The following GLI2 variants were observed in gnomAD, a reference collection of about 807,000 sequenced individuals.
GLI2 encodes GLI family zinc finger 2, also known as transcription activator GLI2.
Under a neutral mutation model 78.9 loss-of-function variants are expected in GLI2, and 22 were observed. The observed-to-expected ratio is 0.28, with a 90% confidence interval of 0.20 to 0.40. The LOEUF is 0.40. GLI2 is among the 10% of genes least tolerant of loss of function. The pLI is 1.00. For missense variants in GLI2, 2,097 were observed against 2,213.2 expected, an observed-to-expected ratio of 0.95 and a Z score of 1.05; for synonymous variants, 974 against 963.7, an observed-to-expected ratio of 1.01 and a Z score of -0.20.
intron 2 of GLI2, among the ~76,000 whole-genome samples, chr2:120,811,691 G>C (rs938461842): frequency 2.6e-5 from 4 of 151,762 alleles, no homozygotes; most frequent in Admixed American, 6.6e-5. Flanking sequence ...TTGGATGGAG[G>C]GGTAGTAGGG....
intron 1 of GLI2, among the ~76,000 whole-genome samples, chr2:120,740,324 G>A (rs928962429): frequency 6.6e-6 from 1 of 152,076 alleles, no homozygotes; most frequent in African/African-American, 2.4e-5. Flanking sequence ...ACATACACAT[G>A]GGGGAAAGTA....
At chr2:120,741,015 T>C (rs1289750420) in intron 1 of GLI2, among the ~76,000 whole-genome samples, 1 of 152,228 alleles carries the variant, frequency 6.6e-6, no homozygotes, top group African/African-American at 2.4e-5. Context: ...GTTGAGCCTG[T>C]ATGCAACCAC....
rs765734294 is a variant in GLI2, at chr2:120,792,899, G to T, written c.-30-4392G>T. 5.3e-5 allele frequency among the ~76,000 whole-genome samples: 8 copies of T among 152,332 alleles called. No individual in the cohort carries two copies. The East Asian group carries it at 1.5e-3, about 29-fold the overall frequency. On this transcript the variant is annotated intron_variant, in intron 1 of 13. Transcript: ENST00000361492. The stretch of plus-strand genomic sequence containing the variant: ...GCCTCCCAAAGTGCTGGGATTACAG[G>T]CATGAGCCACCACACCTGGCTGAAC...
intron 2 of GLI2, among the ~76,000 whole-genome samples, chr2:120,815,563 G>A (rs972441430): frequency 2.6e-5 from 4 of 152,192 alleles, no homozygotes; most frequent in Non-Finnish European, 4.4e-5. Flanking sequence ...GAGCTCTGTG[G>A]TCACGTGCCC....
At chr2:120,949,409 G>A (rs900646280) in intron 3 of GLI2, among the ~76,000 whole-genome samples, 1 of 152,228 alleles carries the variant, frequency 6.6e-6, no homozygotes, top group Non-Finnish European at 1.5e-5. Context: ...CCTGCATGAC[G>A]CCAGTTCCAT....
Position 120,951,343 on chromosome 2 carries a change from C to CA in GLI2, c.356dup (p.His119GlnfsTer34). The CA allele has an allele frequency of 6.3e-7, 1 of 1,584,736 alleles. No individual in the cohort carries two copies. Among genetic ancestry groups the CA allele is most frequent in the Non-Finnish European group, 8.7e-7 (1 of 1,153,268 alleles). On this transcript the variant is annotated frameshift_variant, in exon 4 of 14. Transcript: ENST00000361492. LOFTEE classifies it high-confidence loss of function. ...TGGGGAGTCCCCCTTCAACGCCCCC[C>CA]ACCCGTACGTGAACCCCCACATGGA...
At chr2:120,965,049 G>C (rs1018137232) in intron 5 of GLI2, among the ~76,000 whole-genome samples, 4 of 152,250 alleles carry the variant, frequency 2.6e-5, no homozygotes, top group African/African-American at 9.6e-5. Flanking sequence ...TCACTAAATG[G>C]TGGTTGTCAC....
intron 1 of GLI2, among the ~76,000 whole-genome samples, chr2:120,746,009 C>A (rs1276089979): frequency 1.3e-5 from 2 of 152,220 alleles, no homozygotes; most frequent in African/African-American, 4.8e-5. Context: ...GGTGCCACAT[C>A]CTTCTGCAGG....
rs930943098 is a variant in GLI2 at position 120,807,713 on chromosome 2, C to T, written c.148+10245C>T. 4.6e-5 allele frequency among the ~76,000 whole-genome samples: 7 copies of T among 152,302 alleles called. No individual in the cohort carries two copies. The East Asian group carries it at 5.8e-4, about 13-fold the overall frequency. On this transcript the variant is annotated intron_variant, in intron 2 of 13. Coordinates refer to ENST00000361492, the MANE Select transcript of GLI2 (RefSeq NM_001374353.1). ...TTGGCAAAGGGCTCCCTTCCCTCCC[C>T]GATCCTGGCACAAGCTCACATCTGA... is the stretch of plus-strand genomic sequence containing the variant.
rs1683160155 is a variant in GLI2 at position 120,989,291 on chromosome 2, G to A, written c.3326G>A (p.Gly1109Glu). The change falls in exon 14 of 14, where the codon GGA becomes GAA. Residue 1109 changes from glycine to glutamate, a missense_variant. This residue lies in a region of GLI2 where 1,290 missense variants were observed against 1,261.7 expected (regional missense o/e 1.02). Coordinates refer to ENST00000361492, the MANE Select transcript of GLI2 (RefSeq NM_001374353.1). ...NVGPSAPMLGGCQLGFGAPSS... is the reference protein window; with the variant it reads ...NVGPSAPMLGECQLGFGAPSS... ...GGCCCCTCCGCCCCTATGCTGGGAG[G>A]ATGCCAGTTAGGCTTTGGGGCGCCC... 1.9e-6 allele frequency: 3 copies of A among 1,612,978 alleles called. No individual in the cohort carries two copies. The highest frequency in any genetic ancestry group is 1.7e-5 in the Admixed American group (1 of 60,008).
chr2:120,888,373 C>T (rs1677516922), intron 2 of GLI2, among the ~76,000 whole-genome samples: 1 of 152,234 alleles, frequency 6.6e-6, no homozygotes, highest in South Asian at 2.1e-4. Context: ...TGAGTTCTCT[C>T]AATCTCATCG....
intron 2 of GLI2, among the ~76,000 whole-genome samples, chr2:120,898,177 AACACACACACACAC>A (rs55794893): frequency 0.031 from 4,328 of 140,302 alleles, 82 homozygotes; most frequent in Middle Eastern, 0.058. Flanking sequence ...TATAGATTAA[AACACACACACACAC>A]ACACACACAC....
intron 10 of GLI2, among the ~76,000 whole-genome samples, chr2:120,981,375 CTA>C (rs1682712138): frequency 1.3e-5 from 2 of 152,312 alleles, no homozygotes; most frequent in South Asian, 4.2e-4. Flanking sequence ...GCCTGGATCT[CTA>C]TGTCTCTCTT....
Position 120,927,478 on chromosome 2 carries a change from C to T in GLI2, c.254+12C>T, listed in dbSNP as rs1176273901. 2 of 1,562,708 alleles carry T rather than the reference C, an allele frequency of 1.3e-6. No homozygotes were observed. Among genetic ancestry groups the T allele is most frequent in the South Asian group, 2.2e-5 (2 of 90,070 alleles). The stretch of plus-strand genomic sequence containing the variant: ...CACGGTGTGCACGGGTAAGTCCTGC[C>T]CTCTGCCTGCTGCTCCTGGCGTGCA... On this transcript the variant is annotated intron_variant, in intron 3 of 13. Coordinates refer to ENST00000361492, the MANE Select transcript of GLI2 (RefSeq NM_001374353.1).
At chr2:120,872,567 C>T (rs1573514499) in intron 2 of GLI2, among the ~76,000 whole-genome samples, 1 of 152,226 alleles carries the variant, frequency 6.6e-6, no homozygotes, top group Non-Finnish European at 1.5e-5. Context: ...GCATACAGCC[C>T]TGCTCCATGG....
At chr2:120,912,952 C>T (rs769588894) in intron 2 of GLI2, among the ~76,000 whole-genome samples, 1 of 152,134 alleles carries the variant, frequency 6.6e-6, no homozygotes, top group Non-Finnish European at 1.5e-5. Context: ...CACAGAATCG[C>T]AAGTAACCCT....
intron 2 of GLI2, among the ~76,000 whole-genome samples, chr2:120,907,706 A>G (rs973292474): frequency 2.6e-5 from 4 of 152,106 alleles, no homozygotes; most frequent in African/African-American, 7.2e-5. Flanking sequence ...TGGATGGGTC[A>G]TGTACTCCTC....
intron 2 of GLI2, among the ~76,000 whole-genome samples, chr2:120,797,698 G>A (rs759937989): frequency 5.3e-5 from 8 of 152,204 alleles, no homozygotes; most frequent in East Asian, 1.9e-4. Context: ...CTCAGACAGC[G>A]GTGGGTGGGG....
At chr2:120,929,387 G>A (rs932438692) in intron 3 of GLI2, among the ~76,000 whole-genome samples, 10 of 152,190 alleles carry the variant, frequency 6.6e-5, no homozygotes, top group South Asian at 2.1e-4. Flanking sequence ...ATTTTCATCC[G>A]TTAACTTATA....
Sources: gnomAD v4.1 joint callset for allele counts (sites outside exome capture counted in the v4.1 genomes callset) on GRCh38, gnomAD v4.1.1 for gene constraint, gnomAD v4.1.1 regional missense constraint, MANE v1.5 for transcripts, NCBI Gene and HGNC (gene_info 2026-07-23, HGNC 2026-07-21) for gene names.